Variants in ERBB4 observed in about 807,000 individuals in gnomAD.
ERBB4 encodes receptor tyrosine-protein kinase erbB-4.
Under a neutral mutation model 158.0 loss-of-function variants are expected in ERBB4, and 42 were observed. The ratio of observed to expected loss-of-function variants is 0.27; its 90% CI spans 0.21 to 0.34. The LOEUF is 0.34. ERBB4 is among the 10% of genes least tolerant of loss of function. The pLI, the probability that ERBB4 is intolerant of heterozygous loss-of-function variation, is 1.00. For synonymous variants in ERBB4, 583 were observed against 558.7 expected (o/e 1.04, Z -0.61); for missense variants, 1,333 against 1,624.1 (o/e 0.82, Z 3.08).
At chr2:212,220,648 A>T (rs184403867) in intron 1 of ERBB4, among the ~76,000 whole-genome samples, 79 of 151,450 alleles carry the variant, frequency 5.2e-4, no homozygotes, top group African/African-American at 1.9e-3. Context: ...CATTTGCCAA[A>T]ATGTCTTTGC....
chr2:211,455,039 C>A (rs1295096863), intron 20 of ERBB4, among the ~76,000 whole-genome samples: 1 of 152,244 alleles, frequency 6.6e-6, no homozygotes, highest in African/African-American at 2.4e-5. Flanking sequence ...TTGCTACTTA[C>A]AACAAAGAAT....
intron 1 of ERBB4, among the ~76,000 whole-genome samples, chr2:212,233,985 TTATTATTA>T (rs907528370): frequency 4.7e-5 from 7 of 149,004 alleles, no homozygotes; most frequent in Non-Finnish European, 8.9e-5. Context: ...ATTATTATTA[TTATTATTA>T]TTATTATTAT....
At chr2:212,157,489 G>A (rs1433786853) in intron 1 of ERBB4, among the ~76,000 whole-genome samples, 3 of 151,964 alleles carry the variant, frequency 2.0e-5, no homozygotes, top group African/African-American at 7.2e-5. Flanking sequence ...AGTTCTTTTT[G>A]AAAGCATTTT....
chr2:211,726,586 C>G (rs2074277230), intron 5 of ERBB4, among the ~76,000 whole-genome samples: 1 of 152,148 alleles, frequency 6.6e-6, no homozygotes, highest in Admixed American at 6.6e-5. Flanking sequence ...AATAAAATTG[C>G]CAAGTATTAG....
intron 19 of ERBB4, among the ~76,000 whole-genome samples, chr2:211,575,950 T>A (rs2125756421): frequency 6.6e-6 from 1 of 152,324 alleles, no homozygotes; most frequent in African/African-American, 2.4e-5. Flanking sequence ...CATCATATAT[T>A]AAATTTGAAA....
intron 16 of ERBB4, among the ~76,000 whole-genome samples, chr2:211,652,510 T>A (rs916728928): frequency 6.6e-6 from 1 of 151,986 alleles, no homozygotes. Flanking sequence ...GAAAAAAAAA[T>A]GTGCCAATTG....
At chr2:211,808,327 T>C (rs2105908237) in intron 3 of ERBB4, among the ~76,000 whole-genome samples, 1 of 152,312 alleles carries the variant, frequency 6.6e-6, no homozygotes, top group East Asian at 1.9e-4. Context: ...AGGGATCCAG[T>C]TTCAGCTTTC....
At chr2:211,723,498 G>C (rs2074168928) in intron 6 of ERBB4, among the ~76,000 whole-genome samples, 2 of 151,958 alleles carry the variant, frequency 1.3e-5, no homozygotes, top group South Asian at 4.2e-4. Context: ...AATTTATTCT[G>C]TTTCCTCAAA....
chr2:211,527,801 G>C, intron 20 of ERBB4, among the ~76,000 whole-genome samples: 1 of 151,820 alleles, frequency 6.6e-6, no homozygotes, highest in South Asian at 2.1e-4. Flanking sequence ...AAAAATAATG[G>C]ATGATAACAG....
chr2:211,539,442 C>T (rs764807882), intron 20 of ERBB4, among the ~76,000 whole-genome samples: 1 of 151,972 alleles, frequency 6.6e-6, no homozygotes, highest in East Asian at 1.9e-4. Context: ...TTTAAATAAG[C>T]ACATCTGCGT....
chr2:212,321,690 A>G (rs2087574559), intron 1 of ERBB4, among the ~76,000 whole-genome samples: 1 of 150,620 alleles, frequency 6.6e-6, no homozygotes, highest in Non-Finnish European at 1.5e-5. Context: ...TTCTTTCTCA[A>G]AAAGATAAAA....
At chr2:211,862,916 A>T (rs1201024639) in intron 3 of ERBB4, among the ~76,000 whole-genome samples, 3 of 151,642 alleles carry the variant, frequency 2.0e-5, no homozygotes, top group Non-Finnish European at 2.9e-5. Context: ...TCTGTGTCTA[A>T]CTAAAGGATT....
At chr2:212,277,648 A>T (rs2085593722) in intron 1 of ERBB4, among the ~76,000 whole-genome samples, 1 of 151,710 alleles carries the variant, frequency 6.6e-6, no homozygotes, top group Non-Finnish European at 1.5e-5. Context: ...TGGCCACCTC[A>T]TCAAAAAGAC....
intron 1 of ERBB4, among the ~76,000 whole-genome samples, chr2:212,399,475 A>G (rs2091128000): frequency 2.0e-5 from 3 of 148,436 alleles, no homozygotes. Context: ...GATTTTGTCA[A>G]TCTATTCACC....
intron 1 of ERBB4, among the ~76,000 whole-genome samples, chr2:212,533,215 A>G (rs1692851916): frequency 6.6e-6 from 1 of 152,232 alleles, no homozygotes; most frequent in Admixed American, 6.5e-5. Flanking sequence ...AGTTTGCTAG[A>G]AAGTTTACAT....
intron 2 of ERBB4, among the ~76,000 whole-genome samples, chr2:212,107,608 T>C (rs4284776): frequency 0.19 from 29,462 of 152,088 alleles, 6,175 homozygotes; most frequent in African/African-American, 0.53. Context: ...TGATTGGTTT[T>C]GAAATGTGAG....
chr2:211,547,887 A>G (rs540497547), intron 20 of ERBB4, among the ~76,000 whole-genome samples: 6 of 152,264 alleles, frequency 3.9e-5, no homozygotes, highest in African/African-American at 9.6e-5. Context: ...AGAAAGGAGT[A>G]ACTTACAAGC....
chr2:212,360,177 A>G (rs1010050936), intron 1 of ERBB4, among the ~76,000 whole-genome samples: 3 of 150,962 alleles, frequency 2.0e-5, no homozygotes, highest in Non-Finnish European at 4.4e-5. Context: ...ATGACCTACT[A>G]TTCTTTACAT....
At chr2:212,320,423 T>C (rs1290116061) in intron 1 of ERBB4, among the ~76,000 whole-genome samples, 1 of 148,926 alleles carries the variant, frequency 6.7e-6, no homozygotes, top group Non-Finnish European at 1.5e-5. Flanking sequence ...ACGTTCCTTC[T>C]TAACACTCCA....
Sources: allele counts gnomAD v4.1 joint callset (sites outside exome capture counted in the v4.1 genomes callset), GRCh38; gene constraint gnomAD v4.1.1; transcripts MANE v1.5; gene names NCBI Gene and HGNC (gene_info 2026-07-23, HGNC 2026-07-21).